CROCC: variants seen among roughly 807,000 people sequenced by gnomAD.
The protein encoded by CROCC is rootletin.
CROCC carries 180 observed loss-of-function variants against 245.2 expected under a neutral mutation model. The observed-to-expected ratio is 0.73, with a 90% CI of 0.65 to 0.83. The LOEUF (loss-of-function observed/expected upper bound fraction) is 0.83, where lower values mean the gene tolerates loss of function less well. CROCC is among the 40% of genes least tolerant of loss of function. The probability of loss-of-function intolerance (pLI) is 0.00; values close to 1 mark genes in which losing one functional copy is unlikely to be tolerated. For synonymous variants in CROCC, 1,205 were observed against 1,241.6 expected, an observed-to-expected ratio of 0.97 and a Z score of 0.62; for missense variants, 2,688 against 2,779.4, an observed-to-expected ratio of 0.97 and a Z score of 0.74.
In CROCC at chr1:16,938,461, A is replaced by G. The variant is rs1225655525; in HGVS notation, c.1352A>G (p.Gln451Arg). ...ACAGAGGATGGAGAGGGGCTACAGCAGACCCTAAGGGACCTGGCACAGGTG... is the reference window on the plus strand; with the variant it reads ...ACAGAGGATGGAGAGGGGCTACAGCGGACCCTAAGGGACCTGGCACAGGTG... Reference protein sequence around the residue: ...LETEDGEGLQQTLRDLAQAVL... With the variant: ...LETEDGEGLQRTLRDLAQAVL... The change falls in exon 11 of 37, where the codon CAG becomes CGG. Residue 451 changes from glutamine to arginine, a missense_variant. Gln to Arg is a conservative substitution (Grantham distance 43). This residue lies in a region of CROCC where 972 missense variants were observed against 895.3 expected (regional missense o/e 1.09). Coordinates refer to ENST00000375541, the MANE Select transcript of CROCC (RefSeq NM_014675.5). The G allele has an allele frequency of 1.3e-5, 20 of 1,579,552 alleles. No individual in the cohort carries two copies. The highest frequency in any genetic ancestry group is 2.1e-4 in the Middle Eastern group (1 of 4,724).
chr1:16,972,328 C>G (rs559935469), intron 36 of CROCC, 32 bp from the exon 37 acceptor site: 5 of 1,591,348 alleles, frequency 3.1e-6, no homozygotes, highest in African/African-American at 2.7e-5. Context: ...GGCTGAGGAC[C>G]TGGCTGGCCT....
rs539457510 is a variant in CROCC at position 16,950,586 on chromosome 1, G to T, written c.2837-367G>T. Among the ~76,000 whole-genome samples, 23 of 152,336 alleles carry T rather than the reference G, an allele frequency of 1.5e-4. 1 individual carries two copies. In the South Asian group the frequency reaches 4.6e-3, roughly 30 times the overall value. The stretch of plus-strand genomic sequence containing the variant: ...TTGGCCAGGTTGGTCTTGAACTCCT[G>T]ACCTAAGGTGATCCACCTGCCCCAG... On this transcript the variant is annotated intron_variant, in intron 19 of 36. Transcript: ENST00000375541.
chr1:16,939,209 T>C (rs144288477), intron 12 of CROCC, 67 bp downstream of exon 12: 54 of 706,512 alleles, frequency 7.6e-5, no homozygotes, highest in Middle Eastern at 4.2e-4. Flanking sequence ...GCCCTCCGGG[T>C]GGGGGCGGGG....
upstream of CROCC, among the ~76,000 whole-genome samples, chr1:16,919,470 G>A (rs774032660): frequency 5.9e-5 from 9 of 152,410 alleles, no homozygotes; most frequent in Middle Eastern, 3.4e-3. Context: ...ACCCAGGGAC[G>A]GAGGGCTGAG....
chr1:16,922,337 G>A (rs1432848088), intron 1 of CROCC, among the ~76,000 whole-genome samples: 2 of 152,274 alleles, frequency 1.3e-5, no homozygotes, highest in Admixed American at 1.3e-4. Flanking sequence ...TAGGGCTTGG[G>A]GGACCTCTGG....
intron 1 of CROCC, among the ~76,000 whole-genome samples, 176 bp downstream of exon 1, chr1:16,922,254 C>G (rs2075425041): frequency 6.6e-6 from 1 of 152,264 alleles, no homozygotes; most frequent in Non-Finnish European, 1.5e-5. Flanking sequence ...GAGGTACACA[C>G]AGGGTGCACC....
At chr1:16,958,998 T>C (rs890103627) in intron 26 of CROCC, among the ~76,000 whole-genome samples, 12 of 152,130 alleles carry the variant, frequency 7.9e-5, no homozygotes, top group African/African-American at 2.2e-4. Flanking sequence ...AGCAGCCCTA[T>C]GGGGTAGGTA....
intron 27 of CROCC, among the ~76,000 whole-genome samples, chr1:16,965,240 G>A (rs1294892447): frequency 6.6e-6 from 1 of 152,226 alleles, no homozygotes; most frequent in East Asian, 1.9e-4. Flanking sequence ...ACTCAGTATG[G>A]AGAGACTTGA....
Position 16,930,516 on chromosome 1 carries a change from A to C in CROCC, c.771A>C (p.Ile257=), listed in dbSNP as rs754715424. The change falls in exon 7 of 37, where the codon ATA becomes ATC. Residue 257 remains isoleucine (I), a synonymous_variant. Transcript: ENST00000375541. ...GSANQALSED[I]RKVTNDWTRC... is the part of the protein sequence containing the mutation. ...CCAACCAGGCTCTGAGTGAGGACAT[A>C]CGAAAGGTGACCAATGACTGGACAC... 4.3e-6 allele frequency: 7 copies of C among 1,612,388 alleles called. No individual in the cohort carries two copies. In the Admixed American group the frequency reaches 1.2e-4, roughly 27 times the overall value.
chr1:16,934,166 G>T (rs1255633984), intron 8 of CROCC, among the ~76,000 whole-genome samples: 17 of 152,224 alleles, frequency 1.1e-4, no homozygotes, highest in African/African-American at 3.6e-4. Flanking sequence ...CTGCAAAACT[G>T]TGAGCTTCTC....
intron 3 of CROCC, among the ~76,000 whole-genome samples, chr1:16,925,757 C>G (rs1435433314): frequency 6.6e-6 from 1 of 152,262 alleles, no homozygotes; most frequent in African/African-American, 2.4e-5. Context: ...CTGGACAAAC[C>G]CACGACTAGT....
chr1:16,920,545 G>C (rs1248653047), upstream of CROCC, among the ~76,000 whole-genome samples: 1 of 152,244 alleles, frequency 6.6e-6, no homozygotes, highest in Non-Finnish European at 1.5e-5. Context: ...GAGGTAACCT[G>C]TTCAAGGTCT....
At chr1:16,936,561 G>A (rs1284299593) in intron 8 of CROCC, 76 bp from the exon 9 acceptor site, 28 of 1,404,470 alleles carry the variant, frequency 2.0e-5, no homozygotes, top group Middle Eastern at 3.6e-4. Flanking sequence ...GAGCCACCAC[G>A]CCCTGCCCAA....
At position 16,921,983 on chromosome 1, in the gene CROCC, G is replaced by A. The variant is rs1161566303; in HGVS notation, c.-36G>A. On this transcript the variant is annotated 5_prime_UTR_variant, in exon 1 of 37. Transcript: ENST00000375541. ...ACTGAGCTAGTCTTGGGGTCCTGGA[G>A]AAGGGGGCTGGAGGCATGCCCACAG... The A allele has an allele frequency of 7.2e-6, 11 of 1,538,028 alleles. No individual in the cohort carries two copies. Among genetic ancestry groups the A allele is most frequent in the Non-Finnish European group, 7.9e-6 (9 of 1,135,028 alleles).
At chr1:16,916,677 T>C (rs1426239559) in intron 1 of CROCC, among the ~76,000 whole-genome samples, 1 of 152,198 alleles carries the variant, frequency 6.6e-6, no homozygotes, top group Non-Finnish European at 1.5e-5. Flanking sequence ...GCCAGGCCAA[T>C]TTTTTTTATT....
At chr1:16,935,303 A>G (rs1384695273) in intron 8 of CROCC, among the ~76,000 whole-genome samples, 1 of 152,264 alleles carries the variant, frequency 6.6e-6, no homozygotes, top group East Asian at 1.9e-4. Flanking sequence ...TTTTTTGCAT[A>G]TACGCCTGGT....
intron 13 of CROCC, among the ~76,000 whole-genome samples, chr1:16,942,429 A>G (rs2075953174): frequency 6.6e-6 from 1 of 152,296 alleles, no homozygotes; most frequent in Non-Finnish European, 1.5e-5. Flanking sequence ...GAATAAAAAG[A>G]CAGCGCCTTC....
rs2075854646 is a variant in CROCC at position 16,938,965 on chromosome 1, G to T, written c.1431G>T (p.Ala477=). 5 of 1,605,222 alleles carry T rather than the reference G, an allele frequency of 3.1e-6. No individual in the cohort carries two copies. Among genetic ancestry groups the T allele is most frequent in the Non-Finnish European group, 4.2e-6 (5 of 1,177,492 alleles). ...GVQLSGSERT[A]DASNGSLRGL... ...AGCTGAGCGGCTCTGAGCGCACCGC[G>T]GATGCTTCCAACGGCAGCCTGCGGG... Residue 477 remains alanine (A), a synonymous_variant, in exon 12 of 37, where the codon GCG becomes GCT. Transcript: ENST00000375541.
chr1:16,957,053 C>T (rs1239817647), intron 25 of CROCC, among the ~76,000 whole-genome samples: 2 of 152,344 alleles, frequency 1.3e-5, no homozygotes, highest in African/African-American at 2.4e-5. Context: ...CAGTGGATTG[C>T]TTGAGCCCAG....
Sources: gnomAD v4.1 joint callset for allele counts (sites outside exome capture counted in the v4.1 genomes callset) on GRCh38, gnomAD v4.1.1 for gene constraint, gnomAD v4.1.1 regional missense constraint, MANE v1.5 for transcripts, NCBI Gene and HGNC (gene_info 2026-07-23, HGNC 2026-07-21) for gene names.